Variants in CDH4 observed in about 807,000 individuals in gnomAD.
CDH4 encodes cadherin-4.
In CDH4, 33 loss-of-function variants were observed where a neutral mutation model predicts 86.0. That is an observed-to-expected ratio of 0.38 (90% CI 0.29 to 0.51). The LOEUF is 0.51. Among genes scored for constraint, CDH4 ranks in the 20% least tolerant of loss-of-function variants. The pLI is 0.86. For missense variants in CDH4, 1,114 were observed against 1,307.4 expected, an observed-to-expected ratio of 0.85 and a Z score of 2.28; for synonymous variants, 555 against 549.4, an observed-to-expected ratio of 1.01 and a Z score of -0.14.
At position 61,544,271 on chromosome 20, in the gene CDH4, G is replaced by A. The variant is rs950955439; in HGVS notation, c.170-199292G>A. 2.4e-4 allele frequency among the ~76,000 whole-genome samples: 36 copies of A among 152,148 alleles called. No homozygotes were observed. The highest frequency in any genetic ancestry group is 1.2e-3 in the East Asian group (6 of 5,142). Reference sequence around the variant, plus strand: ...TATATGGCGGGGTACGGCTGACATCGAGCGGGTGGAGGCTGGGTACGGCTA... The same window carrying A: ...TATATGGCGGGGTACGGCTGACATCAAGCGGGTGGAGGCTGGGTACGGCTA... On this transcript the variant is annotated intron_variant, in intron 2 of 15. Transcript: ENST00000614565. This position sits in a 1 kb window ranked among gnomAD's most constrained non-coding sequence, Gnocchi z 6.5.
At chr20:61,846,149 T>C (rs59437096) in intron 5 of CDH4, among the ~76,000 whole-genome samples, 8,443 of 152,310 alleles carry the variant, frequency 0.055, 415 homozygotes, top group East Asian at 0.15. Context: ...GGGAGCCCAC[T>C]TGGGAGGTGG....
chr20:61,587,043 T>C (rs2086482279), intron 2 of CDH4, among the ~76,000 whole-genome samples: 1 of 152,024 alleles, frequency 6.6e-6, no homozygotes, highest in South Asian at 2.1e-4. Context: ...TGGCTGGGAA[T>C]ATCTGCAGGT....
intron 2 of CDH4, among the ~76,000 whole-genome samples, chr20:61,561,482 T>C (rs1162130377): frequency 1.3e-5 from 2 of 152,256 alleles, no homozygotes; most frequent in African/African-American, 4.8e-5. Context: ...CTCCTCCAAG[T>C]GGCCTGCGTG....
intron 2 of CDH4, among the ~76,000 whole-genome samples, chr20:61,359,644 T>A (rs2084773253): frequency 6.6e-6 from 1 of 152,158 alleles, no homozygotes; most frequent in South Asian, 2.1e-4. Context: ...ATCACTCTCT[T>A]CTCTCCCACA....
intron 2 of CDH4, among the ~76,000 whole-genome samples, chr20:61,741,345 C>A (rs142542729): frequency 6.6e-6 from 1 of 152,332 alleles, no homozygotes; most frequent in Non-Finnish European, 1.5e-5. Context: ...AGGGTCTCTC[C>A]GGCAGGGAAC....
chr20:61,860,295 G>C (rs1472716275), intron 6 of CDH4, among the ~76,000 whole-genome samples: 4 of 152,224 alleles, frequency 2.6e-5, no homozygotes, highest in African/African-American at 9.6e-5. Context: ...AGAGCACCGA[G>C]GTCCACGGGG....
At position 61,623,769 on chromosome 20, in the gene CDH4, G is replaced by A. The variant is rs1403762237; in HGVS notation, c.170-119794G>A. Among the ~76,000 whole-genome samples, 2 of 152,170 alleles carry A rather than the reference G, an allele frequency of 1.3e-5. No homozygotes were observed. Among genetic ancestry groups the A allele is most frequent in the Non-Finnish European group, 1.5e-5 (1 of 68,042 alleles). ...AGAAAATAAAAGGTACCCAGAATCTGAGCAGGAAAGACACGGTTCCTAGAG... is the reference window on the plus strand; with the variant it reads ...AGAAAATAAAAGGTACCCAGAATCTAAGCAGGAAAGACACGGTTCCTAGAG... On this transcript the variant is annotated intron_variant, in intron 2 of 15. Transcript: ENST00000614565. The surrounding 1 kb of genome is among the most constrained non-coding windows in gnomAD (Gnocchi z 4.4).
At chr20:61,349,912 C>T (rs979572188) in intron 2 of CDH4, among the ~76,000 whole-genome samples, 3 of 152,158 alleles carry the variant, frequency 2.0e-5, no homozygotes, top group African/African-American at 2.4e-5. Flanking sequence ...ACCATTCGAG[C>T]GAGTGGTGGC....
At chr20:61,866,426 TC>T (rs1347288551) in intron 6 of CDH4, among the ~76,000 whole-genome samples, 1 of 152,124 alleles carries the variant, frequency 6.6e-6, no homozygotes, top group Non-Finnish European at 1.5e-5. Context: ...AGCTGAGGCC[TC>T]CCCCTCCCCC....
intron 2 of CDH4, among the ~76,000 whole-genome samples, chr20:61,549,102 G>A (rs1171111620): frequency 6.6e-6 from 1 of 152,272 alleles, no homozygotes; most frequent in South Asian, 2.1e-4. Flanking sequence ...CTTTGCAAAC[G>A]TGTCTCATCT....
At chr20:61,894,580 G>T (rs1985010224) in intron 7 of CDH4, among the ~76,000 whole-genome samples, 1 of 152,122 alleles carries the variant, frequency 6.6e-6, no homozygotes. Context: ...TGCAACCCCA[G>T]TGCCCTCTGG....
intron 13 of CDH4, among the ~76,000 whole-genome samples, chr20:61,930,595 C>T (rs1227687741): frequency 6.6e-6 from 1 of 152,228 alleles, no homozygotes; most frequent in African/African-American, 2.4e-5. Flanking sequence ...CGGCAGGCCC[C>T]TCCTGCAGAC....
intron 2 of CDH4, among the ~76,000 whole-genome samples, chr20:61,306,082 C>A (rs76419645): frequency 0.02 from 3,037 of 152,202 alleles, 88 homozygotes; most frequent in East Asian, 0.13. Flanking sequence ...CAGATCCTGG[C>A]CATCACGCTC....
At chr20:61,643,258 T>A (rs2087029952) in intron 2 of CDH4, among the ~76,000 whole-genome samples, 1 of 152,142 alleles carries the variant, frequency 6.6e-6, no homozygotes, top group African/African-American at 2.4e-5. Flanking sequence ...ACTTTCGTGG[T>A]AACGACCCCA....
intron 2 of CDH4, among the ~76,000 whole-genome samples, chr20:61,595,428 T>G (rs2086549965): frequency 6.6e-6 from 1 of 152,204 alleles, no homozygotes; most frequent in Non-Finnish European, 1.5e-5. Flanking sequence ...CTGTGTTGAC[T>G]GCGGGATCCT....
chr20:61,801,009 C>A (rs999246624), intron 4 of CDH4, among the ~76,000 whole-genome samples: 13 of 152,168 alleles, frequency 8.5e-5, no homozygotes, highest in Non-Finnish European at 8.8e-5. Context: ...CTACGAGGGG[C>A]ACTGATTGTC....
intron 2 of CDH4, chr20:61,717,955 G>T (rs574156569): frequency 1.3e-5 from 2 of 152,410 alleles, no homozygotes; most frequent in African/African-American, 4.8e-5. Flanking sequence ...CACCGCCTGA[G>T]GTCAAGTCCT....
rs372934892 is a variant in CDH4, at chr20:61,936,977, G to A, written c.*34G>A. On this transcript the variant is annotated 3_prime_UTR_variant, in exon 16 of 16. Transcript: ENST00000614565. ...GCATCTTCGGACCGAAGTGAGAGCC[G>A]TGCTCGGACGCCGGAGGAGCAGGAC... is the stretch of plus-strand genomic sequence containing the variant. 2.3e-5 allele frequency: 35 copies of A among 1,523,092 alleles called. No homozygotes were observed. Among genetic ancestry groups the A allele is most frequent in the East Asian group, 9.6e-5 (4 of 41,762 alleles). 94.3% of individuals were successfully genotyped at this position (1,523,092 alleles called of 1,614,324 possible).
chr20:61,751,186 C>G (rs945167008), intron 3 of CDH4, among the ~76,000 whole-genome samples: 11 of 152,160 alleles, frequency 7.2e-5, no homozygotes, highest in Admixed American at 3.3e-4. Context: ...GAGGACACAT[C>G]CTTCCAGACA....
Sources: allele counts gnomAD v4.1 joint callset (sites outside exome capture counted in the v4.1 genomes callset), GRCh38; gene constraint gnomAD v4.1.1; non-coding constraint Gnocchi (gnomAD v3.1); transcripts MANE v1.5; gene names NCBI Gene and HGNC (gene_info 2026-07-23, HGNC 2026-07-21).